FGF2: variants seen among roughly 807,000 people sequenced by gnomAD.
FGF2 encodes fibroblast growth factor 2.
FGF2 carries 13 observed loss-of-function variants against 15.9 expected under a neutral mutation model. The ratio of observed to expected loss-of-function variants is 0.82; its 90% CI spans 0.53 to 1.30. The LOEUF is 1.30. Among genes scored for constraint, FGF2 ranks in the 50% most tolerant of loss-of-function variants. The pLI is 0.00. For missense variants in FGF2, 163 were observed against 196.9 expected (o/e 0.83, Z 1.03); for synonymous variants, 90 against 78.4 (o/e 1.15, Z -0.78).
At chr4:122,867,702 A>C (rs1726629757) in intron 1 of FGF2, among the ~76,000 whole-genome samples, 1 of 152,226 alleles carries the variant, frequency 6.6e-6, no homozygotes, top group Non-Finnish European at 1.5e-5. Flanking sequence ...ATGAAGTCTT[A>C]GGTAAATGAA....
chr4:122,892,636 A>C lies in FGF2; in HGVS notation c.*240A>C, dbSNP rs1560761401. 1.4e-6 allele frequency: 2 copies of C among 1,421,696 alleles called. No individual in the cohort carries two copies. The highest frequency in any genetic ancestry group is 2.5e-5 in the East Asian group (1 of 39,798). 88.1% of individuals were successfully genotyped at this position (1,421,696 alleles called of 1,614,324 possible). Reference sequence around the variant, plus strand: ...CTGTTACCCAGTGAAGCTTACCTAGAGCAATGATCTTTTTCACGCATTTGC... The same window carrying C: ...CTGTTACCCAGTGAAGCTTACCTAGCGCAATGATCTTTTTCACGCATTTGC... On this transcript the variant is annotated 3_prime_UTR_variant, in exon 3 of 3. Transcript: ENST00000644866.
intron 2 of FGF2, among the ~76,000 whole-genome samples, chr4:122,889,406 G>A (rs536500256): frequency 1.3e-5 from 2 of 152,034 alleles, no homozygotes; most frequent in Non-Finnish European, 2.9e-5. Flanking sequence ...TAGGAAAACA[G>A]TTCTTTAAAT....
chr4:122,838,953 CTG>C (rs1296891992), intron 1 of FGF2, among the ~76,000 whole-genome samples: 1 of 152,218 alleles, frequency 6.6e-6, no homozygotes, highest in Non-Finnish European at 1.5e-5. Flanking sequence ...TGTATTTTAA[CTG>C]TATCTTTTCT....
At chr4:122,879,813 C>G (rs1726925852) in intron 2 of FGF2, among the ~76,000 whole-genome samples, 1 of 152,140 alleles carries the variant, frequency 6.6e-6, no homozygotes, top group African/African-American at 2.4e-5. Flanking sequence ...GTGAGACTTA[C>G]TATCACAAGA....
chr4:122,858,613 G>T (rs1726388308), intron 1 of FGF2, among the ~76,000 whole-genome samples: 1 of 152,096 alleles, frequency 6.6e-6, no homozygotes, highest in African/African-American at 2.4e-5. Context: ...GCCCAGGCTG[G>T]TCTTGAACTC....
intron 2 of FGF2, among the ~76,000 whole-genome samples, chr4:122,891,021 C>CTTTTTTTTTTTTTTTTTTT (rs769084285): frequency 1.3e-4 from 12 of 94,712 alleles, no homozygotes; most frequent in East Asian, 4.5e-4. Flanking sequence ...AACAATTTAT[C>CTTTTTTTTTTTTTTTTTTT]TTTTTTTTTT....
At chr4:122,877,081 T>C (rs1726865770) in intron 2 of FGF2, among the ~76,000 whole-genome samples, 1 of 152,122 alleles carries the variant, frequency 6.6e-6, no homozygotes, top group South Asian at 2.1e-4. Context: ...TTACTTCTCA[T>C]TTACATATAT....
At chr4:122,828,893 G>A (rs1341905593) in intron 1 of FGF2, among the ~76,000 whole-genome samples, 1 of 152,160 alleles carries the variant, frequency 6.6e-6, no homozygotes, top group Non-Finnish European at 1.5e-5. Flanking sequence ...TGTCTGCTAC[G>A]CCATCTCAGC....
At chr4:122,890,618 C>G (rs1727147661) in intron 2 of FGF2, among the ~76,000 whole-genome samples, 1 of 152,092 alleles carries the variant, frequency 6.6e-6, no homozygotes, top group African/African-American at 2.4e-5. Flanking sequence ...GTTATTATGC[C>G]AGCTCTTTTC....
chr4:122,872,308 GC>G (rs1447146694), intron 1 of FGF2, among the ~76,000 whole-genome samples: 5 of 152,122 alleles, frequency 3.3e-5, no homozygotes, highest in Non-Finnish European at 7.3e-5. Flanking sequence ...AATAAGGCAT[GC>G]AGACAAGACT....
chr4:122,879,557 T>G (rs190140211), intron 2 of FGF2, among the ~76,000 whole-genome samples: 4 of 152,332 alleles, frequency 2.6e-5, no homozygotes, highest in African/African-American at 4.8e-5. Context: ...CCCTGTGGTG[T>G]TGTTGAGATT....
At chr4:122,876,170 C>T (rs1560753831) in intron 1 of FGF2, 151 bp from the exon 2 acceptor site, 1 of 691,164 alleles carries the variant, frequency 1.4e-6, no homozygotes, top group Non-Finnish European at 2.6e-6. Flanking sequence ...GACATCTGCT[C>T]CCTGTCACTC....
Position 122,892,576 on chromosome 4 carries a change from G to T in FGF2, c.*180G>T. ...CCAGTAAAGAAAAATAACAAAAGTT[G>T]TAAAATGTATATTCTCCCTTTTATA... On this transcript the variant is annotated 3_prime_UTR_variant, in exon 3 of 3. Transcript: ENST00000644866. The T allele has an allele frequency of 2.1e-6, 3 of 1,447,738 alleles. No homozygotes were observed. The highest frequency in any genetic ancestry group is 2.7e-6 in the Non-Finnish European group (3 of 1,105,902). The allele number at this position is 1,447,738 out of a possible 1,614,324, so 89.7% of individuals were successfully genotyped here. A position where few individuals can be genotyped will look rare whatever the true frequency, so the allele number is the denominator to read the frequency against.
In FGF2 at chr4:122,894,506, G is replaced by A. The variant is rs1727290200; in HGVS notation, c.*2110G>A. ...GCTGAGGTGGGAGGGTTGATCACTT[G>A]AGGCTGAGAGGTCAAGGTTGCAGTG... On this transcript the variant is annotated 3_prime_UTR_variant, in exon 3 of 3. Transcript: ENST00000644866. The A allele has an allele frequency of 6.6e-6, 1 of 152,174 alleles. No individual in the cohort carries two copies. Among genetic ancestry groups the A allele is most frequent in the African/African-American group, 2.4e-5 (1 of 41,438 alleles). 9.4% of individuals were successfully genotyped at this position (152,174 alleles called of 1,614,324 possible). A position where few individuals can be genotyped will look rare whatever the true frequency, so the allele number is the denominator to read the frequency against.
At chr4:122,835,825 G>A (rs1436757775) in intron 1 of FGF2, among the ~76,000 whole-genome samples, 1 of 152,094 alleles carries the variant, frequency 6.6e-6, no homozygotes, top group East Asian at 1.9e-4. Context: ...TCCTGAAGCT[G>A]TAGCACTCTG....
chr4:122,877,070 A>G (rs1047257463), intron 2 of FGF2, among the ~76,000 whole-genome samples: 1 of 151,454 alleles, frequency 6.6e-6, no homozygotes. Flanking sequence ...TCTTCCTCAC[A>G]TTACTTCTCA....
chr4:122,867,150 G>A (rs1176546254), intron 1 of FGF2, among the ~76,000 whole-genome samples: 1 of 152,196 alleles, frequency 6.6e-6, no homozygotes, highest in Non-Finnish European at 1.5e-5. Flanking sequence ...AGTGGTATTA[G>A]GGACGTGTAA....
chr4:122,861,414 A>G (rs1726464117), intron 1 of FGF2, among the ~76,000 whole-genome samples: 1 of 151,736 alleles, frequency 6.6e-6, no homozygotes, highest in African/African-American at 2.4e-5. Flanking sequence ...TGCTCCAACC[A>G]CCTCCAAGTT....
Position 122,892,845 on chromosome 4 carries a change from T to A in FGF2, c.*449T>A. 1.2e-6 allele frequency: 2 copies of A among 1,602,282 alleles called. No homozygotes were observed. The highest frequency in any genetic ancestry group is 1.7e-6 in the Non-Finnish European group (2 of 1,173,148). ...ATGTGAATTTAATCAATTCCTTTCA[T>A]AGTTTTATAATTCTCTGGCAGTTCC... On this transcript the variant is annotated 3_prime_UTR_variant, in exon 3 of 3. Transcript: ENST00000644866.
Sources: allele counts gnomAD v4.1 joint callset (sites outside exome capture counted in the v4.1 genomes callset), GRCh38; gene constraint gnomAD v4.1.1; transcripts MANE v1.5; gene names NCBI Gene and HGNC (gene_info 2026-07-23, HGNC 2026-07-21).